The following XPO7 variants were observed in gnomAD, a reference collection of about 807,000 sequenced individuals.
XPO7 encodes exportin-7.
XPO7 carries 21 observed loss-of-function variants against 144.3 expected under a neutral mutation model. The ratio of observed to expected loss-of-function variants is 0.15; its 90% CI spans 0.10 to 0.21. The LOEUF is 0.21. Ranked by LOEUF, XPO7 falls within the 10% of genes least tolerant of loss-of-function variation. XPO7 has a pLI of 1.00. For missense variants in XPO7, 808 were observed against 1,325.8 expected (o/e 0.61, Z 6.06); for synonymous variants, 580 against 499.6 (o/e 1.16, Z -2.15).
At chr8:21,982,927 A>G in intron 11 of XPO7, 115 bp downstream of exon 11, 9 of 1,278,432 alleles carry the variant, frequency 7.0e-6, no homozygotes, top group Non-Finnish European at 9.6e-6. Flanking sequence ...TGGAGCCACT[A>G]CTGTTCATGG....
intron 21 of XPO7, among the ~76,000 whole-genome samples, chr8:21,997,875 CTT>C (rs1415820781): frequency 6.6e-6 from 1 of 152,016 alleles, no homozygotes; most frequent in Admixed American, 6.6e-5. Context: ...GACTCCTGGG[CTT>C]TTGAGGTCTT....
At chr8:21,966,287 T>G (rs754470192) in intron 1 of XPO7, 1 of 780,582 alleles carries the variant, frequency 1.3e-6, no homozygotes, top group Non-Finnish European at 2.4e-6. Context: ...CTGCTGAACT[T>G]TAGACATGAG....
chr8:21,932,650 A>G (rs1419487531), intron 1 of XPO7, among the ~76,000 whole-genome samples: 1 of 152,054 alleles, frequency 6.6e-6, no homozygotes, highest in Non-Finnish European at 1.5e-5. Context: ...GCAAGTTAAA[A>G]CTGTCTGTCT....
At position 21,965,526 on chromosome 8, in the gene XPO7, TC is replaced by T. The variant is rs555533862; in HGVS notation, c.19-1328del. Among the ~76,000 whole-genome samples, 3 of 152,290 alleles carry T rather than the reference TC, an allele frequency of 2.0e-5. No homozygotes were observed. In the South Asian group the frequency reaches 6.2e-4, roughly 32 times the overall value. ...AAGTTAAACATAAGCCTAATCAAAG[TC>T]CCAAGATGTTGTGAAAGATGGTTTG... On this transcript the variant is annotated intron_variant, in intron 1 of 27. Coordinates refer to ENST00000252512, the MANE Select transcript of XPO7 (RefSeq NM_015024.5).
At chr8:21,946,640 ATT>A (rs61593432) in intron 1 of XPO7, among the ~76,000 whole-genome samples, 24 of 122,638 alleles carry the variant, frequency 2.0e-4, no homozygotes, top group Non-Finnish European at 3.0e-4. Context: ...GCAAAACAGG[ATT>A]TTTTTTTTTT....
chr8:21,995,752 G>A (rs1812926667), intron 21 of XPO7, among the ~76,000 whole-genome samples, 153 bp downstream of exon 21: 1 of 152,214 alleles, frequency 6.6e-6, no homozygotes, highest in African/African-American at 2.4e-5. Context: ...TTGTGTGAAA[G>A]AATAGTATTC....
intron 1 of XPO7, among the ~76,000 whole-genome samples, chr8:21,938,610 T>G (rs1261246636): frequency 1.3e-5 from 2 of 152,200 alleles, no homozygotes; most frequent in African/African-American, 2.4e-5. Context: ...TGCTCCTTTT[T>G]ATTTAGTCCT....
chr8:21,920,433 C>G (rs981142384), intron 1 of XPO7, among the ~76,000 whole-genome samples: 7 of 152,124 alleles, frequency 4.6e-5, no homozygotes, highest in Admixed American at 3.3e-4. Context: ...CCCCTCGCGT[C>G]CCCCTAGCCA....
intron 1 of XPO7, among the ~76,000 whole-genome samples, chr8:21,950,019 T>G (rs1423150381): frequency 6.6e-6 from 1 of 152,224 alleles, no homozygotes; most frequent in African/African-American, 2.4e-5. Flanking sequence ...CACACCGTAC[T>G]GGGCCCTAGG....
At chr8:21,987,045 A>G in intron 13 of XPO7, 96 bp from the exon 14 acceptor site, 5 of 1,541,328 alleles carry the variant, frequency 3.2e-6, no homozygotes, top group Non-Finnish European at 4.4e-6. Flanking sequence ...GCTGTACCCA[A>G]GTACAGGCAT....
Position 21,983,852 on chromosome 8 carries a change from GCTC to G in XPO7, c.1278-791_1278-789del, listed in dbSNP as rs200075715. On this transcript the variant is annotated intron_variant, in intron 11 of 27. Coordinates refer to ENST00000252512, the MANE Select transcript of XPO7 (RefSeq NM_015024.5). Reference sequence around the variant, plus strand: ...GCACACAGCTAGTTTTAGTGCTGCTGCTCCTGCTGCTGCTGCTGCTGCCATTAT... The same window carrying G: ...GCACACAGCTAGTTTTAGTGCTGCTGCTGCTGCTGCTGCTGCTGCCATTAT... Among the ~76,000 whole-genome samples the G allele has an allele frequency of 2.8e-3, 415 of 146,640 alleles. 4 individuals are homozygous for G. The highest frequency in any genetic ancestry group is 0.011 in the African/African-American group (403 of 37,494).
chr8:21,996,836 TTCTC>T (rs1233958774), intron 21 of XPO7, among the ~76,000 whole-genome samples: 1 of 152,100 alleles, frequency 6.6e-6, no homozygotes, highest in Non-Finnish European at 1.5e-5. Flanking sequence ...GATCCGGAGT[TTCTC>T]TCTTGTCGCC....
chr8:21,929,587 G>C (rs1286445925), intron 1 of XPO7, among the ~76,000 whole-genome samples: 1 of 152,224 alleles, frequency 6.6e-6, no homozygotes, highest in Non-Finnish European at 1.5e-5. Flanking sequence ...AGTAAACCAT[G>C]AAATCACTTT....
intron 24 of XPO7, among the ~76,000 whole-genome samples, chr8:22,000,829 G>A (rs9969555): frequency 1 from 152,142 of 152,304 alleles, 75,990 homozygotes; most frequent in Middle Eastern, 1. Flanking sequence ...ATAAGTAGGA[G>A]GATTAAGTCA....
chr8:21,966,900 C>T lies in XPO7; in HGVS notation c.62C>T (p.Thr21Ile). The T allele has an allele frequency of 6.2e-7, 1 of 1,613,906 alleles. No individual in the cohort carries two copies. Among genetic ancestry groups the T allele is most frequent in the Non-Finnish European group, 8.5e-7 (1 of 1,179,842 alleles). ...LENLCKQLYETTDTTTRLQAE... is the reference protein window; with the variant it reads ...LENLCKQLYEITDTTTRLQAE... ...AATCTGTGCAAACAGCTGTATGAAA[C>T]CACAGACACAACCACTCGACTCCAG... The change falls in exon 2 of 28, where the codon ACC (threonine) becomes ATC (isoleucine). Residue 21 changes from threonine (T) to isoleucine (I), a missense_variant. By Grantham distance (89) the Thr-to-Ile change is moderately conservative (BLOSUM62 -1). This residue lies in a region of XPO7 where 223 missense variants were observed against 368.8 expected (regional missense o/e 0.60). Coordinates refer to ENST00000252512, the MANE Select transcript of XPO7 (RefSeq NM_015024.5).
At chr8:21,929,733 G>C (rs1810582320) in intron 1 of XPO7, among the ~76,000 whole-genome samples, 1 of 151,994 alleles carries the variant, frequency 6.6e-6, no homozygotes, top group South Asian at 2.1e-4. Context: ...AGTTGAAATG[G>C]CTAAGATAGC....
At chr8:21,942,369 A>G (rs1342792426) in intron 1 of XPO7, among the ~76,000 whole-genome samples, 4 of 152,354 alleles carry the variant, frequency 2.6e-5, no homozygotes, top group Middle Eastern at 6.8e-3. Context: ...TTCATTTAAA[A>G]TAACCATCTT....
At chr8:21,998,170 G>A (rs533832770) in intron 21 of XPO7, among the ~76,000 whole-genome samples, 56 of 152,312 alleles carry the variant, frequency 3.7e-4, no homozygotes, top group African/African-American at 1.3e-3. Flanking sequence ...GGCCGGGCAC[G>A]GTGGCTCACG....
rs1233070503 is a variant in XPO7 at position 21,937,215 on chromosome 8, A to G, written c.18+17427A>G. The stretch of plus-strand genomic sequence containing the variant: ...ATATGACCACCATAGAGCATACACA[A>G]ATTCATATTAGTCGAATAAATGAAT... On this transcript the variant is annotated intron_variant, in intron 1 of 27. Coordinates refer to ENST00000252512, the MANE Select transcript of XPO7 (RefSeq NM_015024.5). 2.6e-5 allele frequency among the ~76,000 whole-genome samples: 4 copies of G among 152,344 alleles called. No individual in the cohort carries two copies. The East Asian group carries it at 7.7e-4, about 29-fold the overall frequency.
Sources: gnomAD v4.1 joint callset for allele counts (sites outside exome capture counted in the v4.1 genomes callset) on GRCh38, gnomAD v4.1.1 for gene constraint, gnomAD v4.1.1 regional missense constraint, MANE v1.5 for transcripts, NCBI Gene and HGNC (gene_info 2026-07-23, HGNC 2026-07-21) for gene names.